Variants in GRIK2 observed in about 807,000 individuals in gnomAD.
GRIK2 encodes glutamate receptor ionotropic, kainate 2.
A neutral mutation model predicts 100.3 loss-of-function variants in GRIK2; 32 were observed. That is an observed-to-expected ratio of 0.32 (90% CI 0.24 to 0.43). GRIK2 has a LOEUF of 0.43. Ranked by LOEUF, GRIK2 falls within the 20% of genes least tolerant of loss-of-function variation. The pLI is 1.00. For synonymous variants in GRIK2, 417 were observed against 389.4 expected (o/e 1.07, Z -0.83); for missense variants, 843 against 1,114.9 (o/e 0.76, Z 3.47).
chr6:101,420,238 A>T (rs1562124472), intron 2 of GRIK2, among the ~76,000 whole-genome samples: 1 of 152,226 alleles, frequency 6.6e-6, no homozygotes, highest in Non-Finnish European at 1.5e-5. Context: ...CAGAGTAAGA[A>T]TTCAAATGTA....
intron 14 of GRIK2, among the ~76,000 whole-genome samples, chr6:102,031,436 TTTAC>T (rs1364408319): frequency 1.9e-5 from 2 of 103,426 alleles, no homozygotes; most frequent in Non-Finnish European, 3.7e-5. Context: ...ATACACATAT[TTTAC>T]TTATTTATTT....
At chr6:101,829,528 T>A (rs560902343) in intron 10 of GRIK2, among the ~76,000 whole-genome samples, 2 of 151,974 alleles carry the variant, frequency 1.3e-5, no homozygotes, top group African/African-American at 4.8e-5. Context: ...ATAGACCTGA[T>A]AAATGACTTC....
chr6:101,447,390 C>G (rs1770438074), intron 2 of GRIK2, among the ~76,000 whole-genome samples: 1 of 151,580 alleles, frequency 6.6e-6, no homozygotes, highest in Non-Finnish European at 1.5e-5. Flanking sequence ...CTTTGGATAA[C>G]ATCGGTTTCA....
intron 2 of GRIK2, among the ~76,000 whole-genome samples, chr6:101,432,788 C>T (rs573424724): frequency 3.9e-5 from 6 of 152,230 alleles, no homozygotes; most frequent in African/African-American, 1.4e-4. Flanking sequence ...ATAAGCTAGG[C>T]TATTTTCTTG....
rs983456897 is a variant in GRIK2 at position 101,469,286 on chromosome 6, A to C, written c.115+69894A>C. Among the ~76,000 whole-genome samples the C allele has an allele frequency of 1.4e-4, 21 of 152,176 alleles. 1 individual carries two copies. Among genetic ancestry groups the C allele is most frequent in the Non-Finnish European group, 2.5e-4 (17 of 68,032 alleles). ...AAAATTAAAACATGCAAATGAAAAA[A>C]AGGAAAAACTGTTACTGGCATGCAA... is the stretch of plus-strand genomic sequence containing the variant. On this transcript the variant is annotated intron_variant, in intron 2 of 16. Coordinates refer to ENST00000369134, the MANE Select transcript of GRIK2 (RefSeq NM_021956.5).
chr6:101,402,063 G>A (rs1167895636), intron 2 of GRIK2, among the ~76,000 whole-genome samples: 2 of 151,998 alleles, frequency 1.3e-5, no homozygotes, highest in Non-Finnish European at 2.9e-5. Context: ...CCTTGCTCCC[G>A]CTAGGACTGT....
intron 2 of GRIK2, among the ~76,000 whole-genome samples, chr6:101,488,514 A>G (rs1180299907): frequency 6.8e-6 from 1 of 146,784 alleles, no homozygotes; most frequent in Non-Finnish European, 1.5e-5. Flanking sequence ...AGAGATCATC[A>G]AGAGAATTAT....
intron 10 of GRIK2, among the ~76,000 whole-genome samples, chr6:101,836,659 A>ATTTT (rs1239661989): frequency 0.042 from 2,542 of 60,128 alleles, 543 homozygotes; most frequent in Middle Eastern, 0.075. Flanking sequence ...ATATATATAT[A>ATTTT]TATTTTTTTT....
intron 7 of GRIK2, among the ~76,000 whole-genome samples, chr6:101,777,192 G>T (rs1186326753): frequency 6.6e-6 from 1 of 152,196 alleles, no homozygotes; most frequent in East Asian, 1.9e-4. Flanking sequence ...CTGACAATTG[G>T]CTCCCGACTG....
intron 4 of GRIK2, among the ~76,000 whole-genome samples, chr6:101,649,689 A>G (rs1041539372): frequency 1.3e-5 from 2 of 152,110 alleles, no homozygotes; most frequent in African/African-American, 2.4e-5. Flanking sequence ...GATTATAGCA[A>G]ACAGGTAAAT....
chr6:101,395,610 A>G (rs1378641202), intron 1 of GRIK2, among the ~76,000 whole-genome samples: 2 of 152,224 alleles, frequency 1.3e-5, no homozygotes, highest in East Asian at 1.9e-4. Flanking sequence ...TTCTCAAGTA[A>G]TAGTGCCCAA....
chr6:101,912,784 T>C (rs1393527637), intron 12 of GRIK2, among the ~76,000 whole-genome samples: 1 of 151,632 alleles, frequency 6.6e-6, no homozygotes, highest in African/African-American at 2.4e-5. Context: ...ATATTTCTCT[T>C]TATTTTTTAA....
intron 2 of GRIK2, among the ~76,000 whole-genome samples, chr6:101,524,669 T>C (rs1364210419): frequency 2.0e-5 from 3 of 151,892 alleles, no homozygotes; most frequent in Middle Eastern, 3.2e-3. Context: ...ATTTTACAAA[T>C]TGATTCCTCC....
At chr6:101,787,456 AAC>A (rs1290212187) in intron 7 of GRIK2, among the ~76,000 whole-genome samples, 5 of 152,096 alleles carry the variant, frequency 3.3e-5, no homozygotes, top group African/African-American at 1.2e-4. Context: ...CTTCCCTCTT[AAC>A]ACTGCTTTTC....
chr6:101,964,181 C>A (rs987876), intron 14 of GRIK2, among the ~76,000 whole-genome samples: 54,230 of 150,280 alleles, frequency 0.36, 10,511 homozygotes, highest in South Asian at 0.46. Context: ...CATACTATAT[C>A]ATTACACATA....
chr6:101,994,851 A>G (rs745570938), intron 14 of GRIK2, among the ~76,000 whole-genome samples: 1 of 151,818 alleles, frequency 6.6e-6, no homozygotes, highest in Non-Finnish European at 1.5e-5. Context: ...AACCATAACT[A>G]TAGCTCACAG....
intron 9 of GRIK2, among the ~76,000 whole-genome samples, chr6:101,806,105 C>T (rs1187173908): frequency 6.6e-6 from 1 of 152,026 alleles, no homozygotes; most frequent in African/African-American, 2.4e-5. Flanking sequence ...CAAACAAGCT[C>T]TCTGGGACCA....
At chr6:101,923,620 C>A (rs1789692056) in intron 12 of GRIK2, among the ~76,000 whole-genome samples, 1 of 151,998 alleles carries the variant, frequency 6.6e-6, no homozygotes, top group East Asian at 1.9e-4. Context: ...TGAATTCCTG[C>A]TTCTAAAACT....
At chr6:101,396,377 G>C (rs2852507) in intron 1 of GRIK2, among the ~76,000 whole-genome samples, 2 of 151,818 alleles carry the variant, frequency 1.3e-5, no homozygotes, top group Non-Finnish European at 2.9e-5. Context: ...AATGTCTTTA[G>C]CCACTGAATA....
Sources: gnomAD v4.1 joint callset for allele counts (sites outside exome capture counted in the v4.1 genomes callset) on GRCh38, gnomAD v4.1.1 for gene constraint, MANE v1.5 for transcripts, NCBI Gene and HGNC (gene_info 2026-07-23, HGNC 2026-07-21) for gene names.